IQCJ: variants seen among roughly 807,000 people sequenced by gnomAD.
The protein encoded by IQCJ is IQ motif containing J, also known as IQ domain-containing protein J.
IQCJ carries 9 observed loss-of-function variants against 11.0 expected under a neutral mutation model. That is an observed-to-expected ratio of 0.82 (90% CI 0.49 to 1.43). IQCJ has a LOEUF of 1.43. Among genes scored for constraint, IQCJ ranks in the 40% most tolerant of loss-of-function variants. IQCJ has a pLI of 0.00. For synonymous variants in IQCJ, 55 were observed against 51.3 expected (o/e 1.07, Z -0.31); for missense variants, 146 against 133.2 (o/e 1.10, Z -0.47).
intron 1 of IQCJ, among the ~76,000 whole-genome samples, chr3:159,073,749 G>T (rs1003773933): frequency 5.9e-5 from 9 of 152,004 alleles, no homozygotes; most frequent in Non-Finnish European, 1.3e-4. Context: ...ACTCTTCATT[G>T]GTTCCCTGTA....
intron 1 of IQCJ, among the ~76,000 whole-genome samples, chr3:159,213,385 A>G (rs1413882217): frequency 6.6e-6 from 1 of 152,220 alleles, no homozygotes; most frequent in Admixed American, 6.5e-5. Flanking sequence ...CACAAGCTGC[A>G]TGACTTTGGA....
At chr3:159,075,553 A>G (rs767530853) in intron 1 of IQCJ, among the ~76,000 whole-genome samples, 5 of 152,120 alleles carry the variant, frequency 3.3e-5, no homozygotes, top group Non-Finnish European at 5.9e-5. Flanking sequence ...CCTCCAGAGC[A>G]TAGAGCTATC....
chr3:159,163,593 G>A (rs1223757637), intron 1 of IQCJ, among the ~76,000 whole-genome samples: 1 of 152,116 alleles, frequency 6.6e-6, no homozygotes, highest in East Asian at 1.9e-4. Context: ...TTGAACTTCT[G>A]AGCTCAGGTA....
intron 1 of IQCJ, among the ~76,000 whole-genome samples, chr3:159,185,732 A>C (rs1282820880): frequency 2.6e-5 from 4 of 152,090 alleles, no homozygotes; most frequent in Admixed American, 6.5e-5. Context: ...TCAGTTCTTC[A>C]CTTGCTGGGG....
chr3:159,190,769 T>C (rs1397268333), intron 1 of IQCJ, among the ~76,000 whole-genome samples: 1 of 152,202 alleles, frequency 6.6e-6, no homozygotes, highest in Non-Finnish European at 1.5e-5. Context: ...TGCCTCATTT[T>C]CCAATATGAG....
intron 1 of IQCJ, among the ~76,000 whole-genome samples, chr3:159,119,369 C>T (rs980251745): frequency 6.6e-6 from 1 of 152,136 alleles, no homozygotes; most frequent in Non-Finnish European, 1.5e-5. Flanking sequence ...ATCACTTTTC[C>T]CTGCTCCCTG....
intron 1 of IQCJ, among the ~76,000 whole-genome samples, chr3:159,210,410 T>C (rs535721693): frequency 9.8e-5 from 15 of 152,322 alleles, no homozygotes; most frequent in African/African-American, 3.6e-4. Flanking sequence ...AACATTGTAC[T>C]CTAGTAGAAG....
intron 1 of IQCJ, among the ~76,000 whole-genome samples, chr3:159,093,145 G>A (rs535303795): frequency 1.3e-4 from 19 of 151,886 alleles, no homozygotes; most frequent in East Asian, 3.9e-4. Flanking sequence ...ATTAATCTGT[G>A]TCCTTCAGAA....
chr3:159,082,663 T>G (rs186601090), intron 1 of IQCJ, among the ~76,000 whole-genome samples: 3 of 152,206 alleles, frequency 2.0e-5, no homozygotes, highest in Admixed American at 1.3e-4. Context: ...AAGCTGTGGT[T>G]GGGTTGTCTA....
intron 1 of IQCJ, among the ~76,000 whole-genome samples, chr3:159,093,489 G>A (rs1717493419): frequency 6.6e-6 from 1 of 151,726 alleles, no homozygotes; most frequent in Non-Finnish European, 1.5e-5. Flanking sequence ...TTTGAGTGAT[G>A]ACCTCAGTTA....
intron 1 of IQCJ, among the ~76,000 whole-genome samples, chr3:159,175,814 G>A (rs943809838): frequency 2.0e-5 from 3 of 152,154 alleles, no homozygotes; most frequent in Admixed American, 6.5e-5. Flanking sequence ...GTCCTTGTAT[G>A]CACTAGATAA....
At chr3:159,199,626 C>G (rs1034840495) in intron 1 of IQCJ, among the ~76,000 whole-genome samples, 1 of 152,028 alleles carries the variant, frequency 6.6e-6, no homozygotes, top group Non-Finnish European at 1.5e-5. Flanking sequence ...TGGTCTCTAT[C>G]TTGATTAGAT....
At chr3:159,188,660 C>A (rs898038067) in intron 1 of IQCJ, among the ~76,000 whole-genome samples, 12 of 152,024 alleles carry the variant, frequency 7.9e-5, no homozygotes, top group African/African-American at 2.9e-4. Context: ...TGCCTAATGT[C>A]TTTTTCTTTT....
Position 159,069,449 on chromosome 3 carries a change from A to C in IQCJ, c.9+8A>C. The C allele has an allele frequency of 6.2e-7, 1 of 1,608,272 alleles. No homozygotes were observed. The highest frequency in any genetic ancestry group is 1.7e-5 in the Admixed American group (1 of 58,748). On this transcript the variant is annotated splice_region_variant and intron_variant, in intron 1 of 3. Coordinates refer to ENST00000397832, the MANE Select transcript of IQCJ (RefSeq NM_001042706.3). The stretch of plus-strand genomic sequence containing the variant: ...AACTTCAAAATGCGTCTGGTAATGT[A>C]TTTGCTTTTCTAAACGTGCCACTTT...
At chr3:159,226,595 G>A (rs915208567) in intron 1 of IQCJ, among the ~76,000 whole-genome samples, 1 of 152,190 alleles carries the variant, frequency 6.6e-6, no homozygotes, top group Non-Finnish European at 1.5e-5. Flanking sequence ...GGACCATCCC[G>A]TAAATTTCTG....
At chr3:159,160,433 G>A (rs1721772827) in intron 1 of IQCJ, among the ~76,000 whole-genome samples, 1 of 152,012 alleles carries the variant, frequency 6.6e-6, no homozygotes, top group East Asian at 1.9e-4. Flanking sequence ...CTCCTGAGTA[G>A]CTGGGATTAT....
intron 1 of IQCJ, among the ~76,000 whole-genome samples, chr3:159,106,041 G>A (rs1718234431): frequency 2.0e-5 from 3 of 152,166 alleles, no homozygotes; most frequent in Non-Finnish European, 4.4e-5. Flanking sequence ...TGTCAGATCT[G>A]GATACATTTC....
chr3:159,148,402 A>G (rs79439830), intron 1 of IQCJ, among the ~76,000 whole-genome samples: 4,502 of 152,302 alleles, frequency 0.03, 201 homozygotes, highest in African/African-American at 0.1. Context: ...GTTCATTGGC[A>G]TGAGTAGTAA....
chr3:159,140,845 G>C (rs1720561667), intron 1 of IQCJ, among the ~76,000 whole-genome samples: 1 of 152,160 alleles, frequency 6.6e-6, no homozygotes, highest in Admixed American at 6.5e-5. Flanking sequence ...GAAATGTGTT[G>C]TCTCACAGAT....
Sources: allele counts gnomAD v4.1 joint callset (sites outside exome capture counted in the v4.1 genomes callset), GRCh38; gene constraint gnomAD v4.1.1; transcripts MANE v1.5; gene names NCBI Gene and HGNC (gene_info 2026-07-23, HGNC 2026-07-21).